The following MYO18A variants were observed in gnomAD, a reference collection of about 807,000 sequenced individuals.
MYO18A encodes myosin XVIIIA.
MYO18A carries 78 observed loss-of-function variants against 235.8 expected under a neutral mutation model. The ratio of observed to expected loss-of-function variants is 0.33; its 90% CI spans 0.28 to 0.40. The LOEUF (loss-of-function observed/expected upper bound fraction) is 0.40, where lower values mean the gene tolerates loss of function less well. MYO18A is among the 10% of genes least tolerant of loss of function. The pLI is 1.00. For missense variants in MYO18A, 2,215 were observed against 2,699.3 expected (o/e 0.82, Z 3.98); for synonymous variants, 977 against 1,077.8 (o/e 0.91, Z 1.83).
At chr17:29,101,885 T>C (rs564798026) in intron 21 of MYO18A, among the ~76,000 whole-genome samples, 3 of 151,990 alleles carry the variant, frequency 2.0e-5, no homozygotes, top group Non-Finnish European at 4.4e-5. Context: ...CTCAGGGCCA[T>C]CTCCTCCCCA....
At chr17:29,110,385 G>T in intron 18 of MYO18A, 51 bp downstream of exon 18, 2 of 1,514,442 alleles carry the variant, frequency 1.3e-6, no homozygotes, top group South Asian at 1.3e-5. Context: ...TGCCTACCAG[G>T]GGTAAGGAAG....
At chr17:29,086,376 T>C in intron 39 of MYO18A, 62 bp downstream of exon 39, 1 of 1,544,276 alleles carries the variant, frequency 6.5e-7, no homozygotes, top group Non-Finnish European at 8.8e-7. Context: ...GGTCGTCTGG[T>C]TCCAGAGGTG....
In MYO18A at chr17:29,097,686, A is replaced by G. The variant is rs995733623; in HGVS notation, c.4102+102T>C. The G allele has an allele frequency of 1.0e-5, 10 of 1,002,988 alleles. No homozygotes were observed. The African/African-American group carries it at 1.5e-4, about 15-fold the overall frequency. The allele number at this position is 1,002,988 out of a possible 1,614,324, so 62.1% of individuals were successfully genotyped here. A position where few individuals can be genotyped will look rare whatever the true frequency, so the allele number is the denominator to read the frequency against. ...CATCTGTTTCTTTCAGTTTAGCCCCATGGAGGGGAGACAGGCCTGGACAAG... is the reference window on the plus strand; with the variant it reads ...CATCTGTTTCTTTCAGTTTAGCCCCGTGGAGGGGAGACAGGCCTGGACAAG... On this transcript the variant is annotated intron_variant, in intron 26 of 41. Transcript: ENST00000527372.
intron 1 of MYO18A, among the ~76,000 whole-genome samples, chr17:29,176,946 C>G (rs1425233854): frequency 6.6e-6 from 1 of 152,224 alleles, no homozygotes; most frequent in East Asian, 1.9e-4. Flanking sequence ...CGGAAGGCAG[C>G]AATCCCGCGG....
In MYO18A at chr17:29,073,851, C is replaced by T; in HGVS notation, c.*919G>A. 1 of 1,583,030 alleles carries T rather than the reference C, an allele frequency of 6.3e-7. No homozygotes were observed. Among genetic ancestry groups the T allele is most frequent in the African/African-American group, 1.3e-5 (1 of 74,446 alleles). On this transcript the variant is annotated 3_prime_UTR_variant, in exon 42 of 42. Transcript: ENST00000527372. ...TCTTCAGTTTTTCTGATCACAAGTC[C>T]TCAACCCCAAGCCTTCCCTCTCAAG...
At chr17:29,104,090 G>A (rs958251898) in intron 20 of MYO18A, among the ~76,000 whole-genome samples, 1 of 152,212 alleles carries the variant, frequency 6.6e-6, no homozygotes, top group South Asian at 2.1e-4. Context: ...ACTGGAACTG[G>A]GGGGTGGGTA....
rs1258597796 is a variant in MYO18A, at chr17:29,125,967, C to A, written c.1000-3714G>T. The A allele has an allele frequency of 1.7e-5, 17 of 985,648 alleles. No homozygotes were observed. Among genetic ancestry groups the A allele is most frequent in the Non-Finnish European group, 2.0e-5 (17 of 829,856 alleles). 61.1% of individuals were successfully genotyped at this position (985,648 alleles called of 1,614,324 possible). The stretch of plus-strand genomic sequence containing the variant: ...GTCAGCTGGACCTTGGCAGCTCCTG[C>A]CTAAAGGTTAAACCACTATTAGTCC... On this transcript the variant is annotated intron_variant, in intron 2 of 41. Transcript: ENST00000527372. The surrounding 1 kb of genome is among the most constrained non-coding windows in gnomAD (Gnocchi z 5.1).
chr17:29,121,337 A>C lies in MYO18A; in HGVS notation c.1372-126T>G, dbSNP rs2067194773. 4 of 1,170,618 alleles carry C rather than the reference A, an allele frequency of 3.4e-6. No individual in the cohort carries two copies. The East Asian group carries it at 1.0e-4, about 30-fold the overall frequency. The allele number at this position is 1,170,618 out of a possible 1,614,324, so 72.5% of individuals were successfully genotyped here. A position where few individuals can be genotyped will look rare whatever the true frequency, so the allele number is the denominator to read the frequency against. ...TGTAGTGCCCAGGGATTCCAAGGCC[A>C]AGGCCATGCATGGAAATGAAGACAC... On this transcript the variant is annotated intron_variant, in intron 5 of 41. Coordinates refer to ENST00000527372, the MANE Select transcript of MYO18A (RefSeq NM_078471.4). This position sits in a 1 kb window ranked among gnomAD's most constrained non-coding sequence, Gnocchi z 4.2.
Position 29,073,696 on chromosome 17 carries a change from G to A in MYO18A, c.*1074C>T. On this transcript the variant is annotated 3_prime_UTR_variant, in exon 42 of 42. Transcript: ENST00000527372. Reference sequence around the variant, plus strand: ...CAGGGATAACCTTTTTAGGGTGGGGGCTGGGACCTCCAGACCACATGGTGT... The same window carrying A: ...CAGGGATAACCTTTTTAGGGTGGGGACTGGGACCTCCAGACCACATGGTGT... The A allele has an allele frequency of 1.3e-6, 1 of 791,714 alleles. No individual in the cohort carries two copies. The highest frequency in any genetic ancestry group is 2.0e-6 in the Non-Finnish European group (1 of 496,954). 49.0% of individuals were successfully genotyped at this position (791,714 alleles called of 1,614,324 possible). A position where few individuals can be genotyped will look rare whatever the true frequency, so the allele number is the denominator to read the frequency against.
At chr17:29,149,399 G>A (rs1210297663) in intron 2 of MYO18A, among the ~76,000 whole-genome samples, 1 of 152,228 alleles carries the variant, frequency 6.6e-6, no homozygotes, top group East Asian at 1.9e-4. Flanking sequence ...CAAGCAATCA[G>A]GAAGGTCAGT....
rs536363578 is a variant in MYO18A at position 29,143,493 on chromosome 17, C to T, written c.1000-21240G>A. Among the ~76,000 whole-genome samples, 4 of 146,296 alleles carry T rather than the reference C, an allele frequency of 2.7e-5. No individual in the cohort carries two copies. In the South Asian group the frequency reaches 8.7e-4, roughly 32 times the overall value. On this transcript the variant is annotated intron_variant, in intron 2 of 41. Coordinates refer to ENST00000527372, the MANE Select transcript of MYO18A (RefSeq NM_078471.4). Reference sequence around the variant, plus strand: ...CTGCACTCAAGCAATCCACCTGCCTCAGCCTCCCAAAGTGCTGGGATTACA... The same window carrying T: ...CTGCACTCAAGCAATCCACCTGCCTTAGCCTCCCAAAGTGCTGGGATTACA...
chr17:29,123,605 C>A (rs1171315170), intron 2 of MYO18A, among the ~76,000 whole-genome samples: 14 of 152,244 alleles, frequency 9.2e-5, no homozygotes, highest in Admixed American at 9.2e-4. Flanking sequence ...AGTAGGAGGG[C>A]TGGGCTGCAC....
chr17:29,121,441 C>T lies in MYO18A; in HGVS notation c.1371+106G>A. The T allele has an allele frequency of 4.7e-6, 6 of 1,282,742 alleles. No homozygotes were observed. The highest frequency in any genetic ancestry group is 1.5e-5 in the South Asian group (1 of 65,896). 79.5% of individuals were successfully genotyped at this position (1,282,742 alleles called of 1,614,324 possible). A position where few individuals can be genotyped will look rare whatever the true frequency, so the allele number is the denominator to read the frequency against. On this transcript the variant is annotated intron_variant, in intron 5 of 41. Coordinates refer to ENST00000527372, the MANE Select transcript of MYO18A (RefSeq NM_078471.4). The surrounding 1 kb of genome is among the most constrained non-coding windows in gnomAD (Gnocchi z 4.2). ...AAATGACTCCTCTTCCCAAGGTCAA[C>T]TGTGAGAGTGGACAGGAGCCCAGTG...
chr17:29,095,194 T>C (rs1235449793), intron 28 of MYO18A, 135 bp from the exon 29 acceptor site: 3 of 1,307,734 alleles, frequency 2.3e-6, no homozygotes, highest in Non-Finnish European at 3.1e-6. Context: ...GTGGGGCCAG[T>C]TGTAAGGTAG....
chr17:29,157,843 A>G (rs993748711), intron 2 of MYO18A, among the ~76,000 whole-genome samples: 1 of 151,942 alleles, frequency 6.6e-6, no homozygotes, highest in Non-Finnish European at 1.5e-5. Flanking sequence ...GTTGAGTGAC[A>G]TAATCAATGG....
At chr17:29,142,623 G>A (rs944127295) in intron 2 of MYO18A, among the ~76,000 whole-genome samples, 1 of 152,210 alleles carries the variant, frequency 6.6e-6, no homozygotes, top group Non-Finnish European at 1.5e-5. Context: ...CAGCATCTGT[G>A]TTTTAACTAG....
At chr17:29,080,631 G>A (rs1193801306) in intron 41 of MYO18A, 5 of 985,506 alleles carry the variant, frequency 5.1e-6, no homozygotes, top group Non-Finnish European at 6.0e-6. Flanking sequence ...CCCTGTCTTC[G>A]CCAGAGCCCC....
chr17:29,122,212 A>T lies in MYO18A; in HGVS notation c.1041T>A (p.Asn347Lys). ...GGACCAGCCACACCTTCTCCGTCTC[A>T]TTCCAGGCCTCTTCTGCTGCAATCT... The part of the protein sequence containing the change: ...EEQIAAEEAW[N>K]ETEKVWLVHR... Residue 347 changes from asparagine (N) to lysine (K), a missense_variant, in exon 3 of 42, where the codon AAT (asparagine) becomes AAA (lysine). Physicochemically the swap from Asn to Lys is moderately conservative, Grantham distance 94. Transcript: ENST00000527372. 6.2e-7 allele frequency: 1 copy of T among 1,613,644 alleles called. No homozygotes were observed. Among genetic ancestry groups the T allele is most frequent in the Non-Finnish European group, 8.5e-7 (1 of 1,179,742 alleles).
intron 1 of MYO18A, among the ~76,000 whole-genome samples, chr17:29,171,805 A>G (rs2068410306): frequency 6.6e-6 from 1 of 151,808 alleles, no homozygotes; most frequent in African/African-American, 2.4e-5. Flanking sequence ...AAGTGGGAAG[A>G]TCACCTGAGC....
Sources: gnomAD v4.1 joint callset for allele counts (sites outside exome capture counted in the v4.1 genomes callset) on GRCh38, gnomAD v4.1.1 for gene constraint, Gnocchi (gnomAD v3.1) non-coding constraint, MANE v1.5 for transcripts, NCBI Gene and HGNC (gene_info 2026-07-23, HGNC 2026-07-21) for gene names.